The following GMDS variants were observed in gnomAD, a reference collection of about 807,000 sequenced individuals.
The protein encoded by GMDS is GDP-mannose 4,6-dehydratase.
GMDS carries 20 observed loss-of-function variants against 49.9 expected under a neutral mutation model. That is an observed-to-expected ratio of 0.40 (90% CI 0.28 to 0.58). The LOEUF is 0.58. Ranked by LOEUF, GMDS falls within the 20% of genes least tolerant of loss-of-function variation. GMDS has a pLI of 0.42. For synonymous variants in GMDS, 177 were observed against 178.6 expected, an observed-to-expected ratio of 0.99 and a Z score of 0.07; for missense variants, 362 against 481.4, an observed-to-expected ratio of 0.75 and a Z score of 2.32.
chr6:1,626,089 C>T (rs1005388509), intron 9 of GMDS: 21 of 152,210 alleles, frequency 1.4e-4, no homozygotes, highest in African/African-American at 5.1e-4. Flanking sequence ...AGGGGTGGGA[C>T]CTGCTTTGCC....
chr6:2,081,033 G>C (rs777293251), intron 4 of GMDS, among the ~76,000 whole-genome samples: 1 of 152,084 alleles, frequency 6.6e-6, no homozygotes, highest in Non-Finnish European at 1.5e-5. Context: ...CAAGGCCATT[G>C]TATGGGCTCA....
intron 7 of GMDS, among the ~76,000 whole-genome samples, chr6:1,820,229 G>A (rs1437919892): frequency 6.6e-6 from 1 of 152,116 alleles, no homozygotes; most frequent in Non-Finnish European, 1.5e-5. Context: ...ACTGAAAGAA[G>A]AGGCATGAAT....
At chr6:1,895,991 T>A (rs1466022573) in intron 7 of GMDS, among the ~76,000 whole-genome samples, 1 of 152,150 alleles carries the variant, frequency 6.6e-6, no homozygotes, top group African/African-American at 2.4e-5. Context: ...TCATCGTTCC[T>A]GACCTCCAGG....
At chr6:2,226,705 A>G (rs1205536844) in intron 1 of GMDS, among the ~76,000 whole-genome samples, 2 of 152,222 alleles carry the variant, frequency 1.3e-5, no homozygotes. Flanking sequence ...CCTAAATTCT[A>G]TCACTCAAAA....
chr6:1,791,132 T>C (rs1201872465), intron 7 of GMDS, among the ~76,000 whole-genome samples: 1 of 152,100 alleles, frequency 6.6e-6, no homozygotes, highest in Non-Finnish European at 1.5e-5. Flanking sequence ...AAACAGATTC[T>C]CCCCCAGAGC....
chr6:2,210,618 G>C (rs1291723992), intron 1 of GMDS, among the ~76,000 whole-genome samples: 1 of 152,152 alleles, frequency 6.6e-6, no homozygotes, highest in Non-Finnish European at 1.5e-5. Flanking sequence ...TCAGCTAGGG[G>C]CTCCCAGGAA....
At chr6:1,672,607 G>A (rs910964128) in intron 9 of GMDS, among the ~76,000 whole-genome samples, 2 of 152,220 alleles carry the variant, frequency 1.3e-5, no homozygotes, top group Non-Finnish European at 2.9e-5. Context: ...TGGTTAAGAG[G>A]ATTCCAAGAA....
At chr6:1,896,189 T>C (rs1290026288) in intron 7 of GMDS, among the ~76,000 whole-genome samples, 3 of 152,142 alleles carry the variant, frequency 2.0e-5, no homozygotes, top group African/African-American at 7.2e-5. Flanking sequence ...ATTGTTGCCC[T>C]GTGTATCGGA....
chr6:2,204,826 T>C (rs958432254), intron 1 of GMDS, among the ~76,000 whole-genome samples: 2 of 152,170 alleles, frequency 1.3e-5, no homozygotes, highest in African/African-American at 2.4e-5. Flanking sequence ...TGGCAAACTA[T>C]TTAGCTCCAC....
At chr6:1,799,885 C>T (rs1401083221) in intron 7 of GMDS, among the ~76,000 whole-genome samples, 1 of 152,208 alleles carries the variant, frequency 6.6e-6, no homozygotes, top group Non-Finnish European at 1.5e-5. Context: ...TACCTCCTCA[C>T]ACATTTATAT....
intron 9 of GMDS, among the ~76,000 whole-genome samples, chr6:1,673,109 T>C (rs904001127): frequency 6.6e-6 from 1 of 152,066 alleles, no homozygotes; most frequent in Non-Finnish European, 1.5e-5. Flanking sequence ...AGAGATGAGG[T>C]TTAAGATCTC....
At chr6:1,848,315 C>T (rs971664421) in intron 7 of GMDS, among the ~76,000 whole-genome samples, 1 of 152,100 alleles carries the variant, frequency 6.6e-6, no homozygotes, top group Non-Finnish European at 1.5e-5. Context: ...TTCCCACCAC[C>T]CAGAATCCCA....
intron 7 of GMDS, among the ~76,000 whole-genome samples, chr6:1,794,393 G>C (rs1023423456): frequency 2.0e-5 from 3 of 151,892 alleles, no homozygotes; most frequent in Non-Finnish European, 1.5e-5. Flanking sequence ...AATAAACAAA[G>C]ACACATGTAT....
At chr6:1,690,090 G>A (rs1461875721) in intron 9 of GMDS, among the ~76,000 whole-genome samples, 1 of 152,146 alleles carries the variant, frequency 6.6e-6, no homozygotes, top group Admixed American at 6.5e-5. Context: ...GGGAGACAGA[G>A]TAAGACCTTG....
chr6:1,898,768 C>T (rs370031422), intron 7 of GMDS, among the ~76,000 whole-genome samples: 1 of 152,188 alleles, frequency 6.6e-6, no homozygotes, highest in African/African-American at 2.4e-5. Context: ...AAGGAAGGTG[C>T]TGTGAGAATC....
chr6:1,641,309 A>G (rs1440839914), intron 9 of GMDS, among the ~76,000 whole-genome samples: 6 of 152,232 alleles, frequency 3.9e-5, no homozygotes, highest in Admixed American at 3.3e-4. Flanking sequence ...AATCTATGTC[A>G]CTGTCACGTT....
chr6:2,080,847 T>A lies in GMDS; in HGVS notation c.345+34924A>T, dbSNP rs184483593. On this transcript the variant is annotated intron_variant, in intron 4 of 10. Coordinates refer to ENST00000380815, the MANE Select transcript of GMDS (RefSeq NM_001500.4). ...CATCAGAGCTGAATTACAATACCAT[T>A]CCTGTCACTTCCTGGGTATTTCATC... is the stretch of plus-strand genomic sequence containing the variant. Among the ~76,000 whole-genome samples, 416 of 152,264 alleles carry A rather than the reference T, an allele frequency of 2.7e-3. 1 individual carries two copies. The highest frequency in any genetic ancestry group is 9.8e-3 in the African/African-American group (406 of 41,528).
chr6:1,790,210 GA>G (rs1458962594), intron 7 of GMDS, among the ~76,000 whole-genome samples: 1 of 152,068 alleles, frequency 6.6e-6, no homozygotes, highest in Non-Finnish European at 1.5e-5. Context: ...AGCTCAGAAA[GA>G]AATTTTCAGC....
intron 1 of GMDS, among the ~76,000 whole-genome samples, chr6:2,202,648 C>T (rs542848756): frequency 4.6e-5 from 7 of 152,164 alleles, no homozygotes; most frequent in South Asian, 2.1e-4. Context: ...AGACTGGCCT[C>T]GTGGCCTATG....
Sources: allele counts gnomAD v4.1 joint callset (sites outside exome capture counted in the v4.1 genomes callset), GRCh38; gene constraint gnomAD v4.1.1; transcripts MANE v1.5; gene names NCBI Gene and HGNC (gene_info 2026-07-23, HGNC 2026-07-21).